The following MKLN1 variants were observed in gnomAD, a reference collection of about 807,000 sequenced individuals.
The protein encoded by MKLN1 is muskelin 1, also known as muskelin.
MKLN1 carries 18 observed loss-of-function variants against 99.0 expected under a neutral mutation model. The ratio of observed to expected loss-of-function variants is 0.18; its 90% CI spans 0.13 to 0.27. MKLN1 has a LOEUF of 0.27. Among genes scored for constraint, MKLN1 ranks in the 10% least tolerant of loss-of-function variants. The pLI is 1.00. For synonymous variants in MKLN1, 288 were observed against 293.2 expected (o/e 0.98, Z 0.18); for missense variants, 621 against 875.9 (o/e 0.71, Z 3.67).
intron 3 of MKLN1, among the ~76,000 whole-genome samples, chr7:131,312,479 C>G (rs1312474250): frequency 6.6e-6 from 1 of 152,156 alleles, no homozygotes; most frequent in Non-Finnish European, 1.5e-5. Flanking sequence ...TTAATAATCT[C>G]CTTCTAATTT....
At chr7:131,468,269 G>C (rs1796713915) in intron 15 of MKLN1, among the ~76,000 whole-genome samples, 1 of 152,150 alleles carries the variant, frequency 6.6e-6, no homozygotes, top group African/African-American at 2.4e-5. Flanking sequence ...GCTTATTTTA[G>C]ACCTTTTTCT....
chr7:131,276,450 A>G (rs1797976452), intron 3 of MKLN1, among the ~76,000 whole-genome samples: 3 of 152,198 alleles, frequency 2.0e-5, no homozygotes, highest in Admixed American at 2.0e-4. Flanking sequence ...ATTTCCAGGC[A>G]TGGGAGAACA....
intron 2 of MKLN1, among the ~76,000 whole-genome samples, chr7:131,181,880 G>A (rs1438070199): frequency 6.6e-6 from 1 of 151,990 alleles, no homozygotes; most frequent in Non-Finnish European, 1.5e-5. Context: ...GGCTGGTCTC[G>A]GACTACTGAC....
At chr7:131,462,896 A>G (rs961839147) in intron 12 of MKLN1, among the ~76,000 whole-genome samples, 119 of 152,284 alleles carry the variant, frequency 7.8e-4, no homozygotes, top group Non-Finnish European at 1.5e-3. Context: ...ATGAGGCAGG[A>G]ATATTGCTTA....
intron 2 of MKLN1, among the ~76,000 whole-genome samples, chr7:131,168,342 A>G (rs1364889111): frequency 6.6e-6 from 1 of 152,068 alleles, no homozygotes; most frequent in Non-Finnish European, 1.5e-5. Flanking sequence ...CTCTTCCTGT[A>G]TAATTTTAGG....
chr7:131,339,175 T>C (rs985171461), intron 1 of MKLN1, among the ~76,000 whole-genome samples: 1 of 152,244 alleles, frequency 6.6e-6, no homozygotes, highest in African/African-American at 2.4e-5. Flanking sequence ...AAGTCATACA[T>C]GGCTTTTTCA....
chr7:131,273,901 C>A (rs1797923701), intron 3 of MKLN1, among the ~76,000 whole-genome samples: 3 of 152,132 alleles, frequency 2.0e-5, no homozygotes, highest in Admixed American at 1.3e-4. Flanking sequence ...CCACCGCGCC[C>A]AGCCTGACAC....
intron 3 of MKLN1, among the ~76,000 whole-genome samples, chr7:131,309,059 A>T (rs943049540): frequency 2.0e-5 from 3 of 152,226 alleles, no homozygotes; most frequent in African/African-American, 7.2e-5. Context: ...ATAAGGTTCA[A>T]TATGTCTCAA....
At chr7:131,306,020 A>C (rs1798460025) in intron 3 of MKLN1, among the ~76,000 whole-genome samples, 1 of 151,250 alleles carries the variant, frequency 6.6e-6, no homozygotes, top group Non-Finnish European at 1.5e-5. Flanking sequence ...GATTTCCCCT[A>C]TTCTGTTCAC....
chr7:131,344,547 C>A (rs1366860301), intron 1 of MKLN1, among the ~76,000 whole-genome samples: 1 of 152,106 alleles, frequency 6.6e-6, no homozygotes, highest in Non-Finnish European at 1.5e-5. Flanking sequence ...ACACGTAGAC[C>A]TTCCACTGGG....
At chr7:131,193,455 T>C (rs1796596246) in intron 2 of MKLN1, among the ~76,000 whole-genome samples, 1 of 152,138 alleles carries the variant, frequency 6.6e-6, no homozygotes, top group Non-Finnish European at 1.5e-5. Context: ...AACCTCTGCC[T>C]CCTGGGTTCA....
At chr7:131,398,226 A>G (rs890696997) in intron 5 of MKLN1, among the ~76,000 whole-genome samples, 1 of 152,194 alleles carries the variant, frequency 6.6e-6, no homozygotes, top group East Asian at 1.9e-4. Flanking sequence ...GTCCCAGAAC[A>G]TATTCCTGAA....
chr7:131,277,209 A>G (rs552737558), intron 3 of MKLN1, among the ~76,000 whole-genome samples: 10 of 152,308 alleles, frequency 6.6e-5, no homozygotes, highest in African/African-American at 2.2e-4. Context: ...ATACAGTTAG[A>G]AGAAAGAAAA....
intron 3 of MKLN1, among the ~76,000 whole-genome samples, chr7:131,318,761 A>G (rs1442425821): frequency 1.3e-5 from 2 of 152,184 alleles, no homozygotes; most frequent in East Asian, 3.8e-4. Context: ...GATAAAGGGG[A>G]TATCACCACT....
At chr7:131,221,268 G>A (rs998399328) in intron 3 of MKLN1, among the ~76,000 whole-genome samples, 6 of 152,216 alleles carry the variant, frequency 3.9e-5, no homozygotes, top group Admixed American at 1.3e-4. Context: ...CAAGCCCTGG[G>A]TGGAGCTCCC....
At chr7:131,486,409 C>G (rs971489738) in intron 17 of MKLN1, among the ~76,000 whole-genome samples, 12 of 152,186 alleles carry the variant, frequency 7.9e-5, no homozygotes, top group African/African-American at 2.9e-4. Context: ...AACATTCTCC[C>G]TCAAACTTAA....
intron 2 of MKLN1, among the ~76,000 whole-genome samples, chr7:131,191,414 G>T (rs553678823): frequency 6.6e-6 from 1 of 152,308 alleles, no homozygotes; most frequent in Non-Finnish European, 1.5e-5. Flanking sequence ...TGTGGTGTGT[G>T]AGTGAAACAC....
Position 131,116,262 on chromosome 7 carries a change from A to G in MKLN1, c.-419+6055A>G, listed in dbSNP as rs137927002. 5.4e-3 allele frequency among the ~76,000 whole-genome samples: 817 copies of G among 152,166 alleles called. 9 individuals are homozygous for G. Among genetic ancestry groups the G allele is most frequent in the Admixed American group, 0.023 (356 of 15,274 alleles). On this transcript the variant is annotated intron_variant, in intron 1 of 7. Transcript: ENST00000416992. ...CAACCATTTATTAGAAATTAGAGAC[A>G]TCAAGAATCAGTCTTAGTGTAATTG...
At chr7:131,117,022 T>A (rs1490550604) in intron 1 of MKLN1, among the ~76,000 whole-genome samples, 1 of 152,126 alleles carries the variant, frequency 6.6e-6, no homozygotes, top group Admixed American at 6.5e-5. Context: ...CCAATAGATA[T>A]ACTCACACAG....
Sources: allele counts gnomAD v4.1 joint callset (sites outside exome capture counted in the v4.1 genomes callset), GRCh38; gene constraint gnomAD v4.1.1; transcripts MANE v1.5; gene names NCBI Gene and HGNC (gene_info 2026-07-23, HGNC 2026-07-21).